The following MYLK variants were observed in gnomAD, a reference collection of about 807,000 sequenced individuals.
MYLK encodes myosin light chain kinase.
Under a neutral mutation model 203.4 loss-of-function variants are expected in MYLK, and 106 were observed. That is an observed-to-expected ratio of 0.52 (90% CI 0.45 to 0.61). The LOEUF (loss-of-function observed/expected upper bound fraction) is 0.61. Among genes scored for constraint, MYLK ranks in the 20% least tolerant of loss-of-function variants. The pLI, the probability that MYLK is intolerant of heterozygous loss-of-function variation, is 0.00. For synonymous variants in MYLK, 867 were observed against 959.5 expected (o/e 0.90, Z 1.78); for missense variants, 2,072 against 2,442.3 (o/e 0.85, Z 3.20).
At chr3:123,673,224 A>G (rs762696883) in intron 20 of MYLK, among the ~76,000 whole-genome samples, 9 of 144,166 alleles carry the variant, frequency 6.2e-5, no homozygotes. Context: ...GTACAGTGGC[A>G]TGATCACAGC....
intron 4 of MYLK, among the ~76,000 whole-genome samples, chr3:123,766,679 T>C (rs139740826): frequency 4.2e-4 from 64 of 152,360 alleles, no homozygotes; most frequent in Middle Eastern, 3.4e-3. Flanking sequence ...AGATTCCAGG[T>C]CGTGCCAGCA....
At chr3:123,871,603 C>A (rs978069673) in intron 2 of MYLK, among the ~76,000 whole-genome samples, 1 of 151,850 alleles carries the variant, frequency 6.6e-6, no homozygotes, top group African/African-American at 2.4e-5. Context: ...TACAAACTAC[C>A]GAAAATCACT....
At position 123,752,335 on chromosome 3, in the gene MYLK, T is replaced by A. The variant is rs746517311; in HGVS notation, c.369A>T (p.Val123=). 6 of 1,613,880 alleles carry A rather than the reference T, an allele frequency of 3.7e-6. No individual in the cohort carries two copies. In the Admixed American group the frequency reaches 5.0e-5, roughly 13 times the overall value. The change falls in exon 5 of 34, where the codon GTA becomes GTT. Residue 123 remains valine (V), a synonymous_variant. Coordinates refer to ENST00000360304, the MANE Select transcript of MYLK (RefSeq NM_053025.4). The part of the protein sequence containing the change: ...GARQVTVELT[V]EGSFAKQLGQ... Reference sequence around the variant, plus strand: ...CTCGGGCCTCCTGGGACTCACCTTCTACTGTCAACTCCACTGTCACCTGGC... The same window carrying A: ...CTCGGGCCTCCTGGGACTCACCTTCAACTGTCAACTCCACTGTCACCTGGC...
chr3:123,721,103 G>A (rs914894298), intron 13 of MYLK, among the ~76,000 whole-genome samples: 1 of 152,204 alleles, frequency 6.6e-6, no homozygotes, highest in African/African-American at 2.4e-5. Flanking sequence ...AGAGAATACG[G>A]GTGAGGTGAA....
At chr3:123,737,284 T>C (rs2062705929) in intron 8 of MYLK, 94 bp downstream of exon 8, 1 of 1,515,740 alleles carries the variant, frequency 6.6e-7, no homozygotes, top group Non-Finnish European at 9.1e-7. Context: ...GCCAGGTGTA[T>C]ACACACACAG....
intron 8 of MYLK, chr3:123,735,619 T>C (rs2062648271): frequency 1.7e-6 from 1 of 600,452 alleles, no homozygotes; most frequent in Non-Finnish European, 3.0e-6. Flanking sequence ...TTTGGGCTTC[T>C]TAATAGTGGC....
chr3:123,874,853 C>A lies in MYLK; in HGVS notation c.-127+1706G>T, dbSNP rs188897149. On this transcript the variant is annotated intron_variant, in intron 2 of 33. Coordinates refer to ENST00000360304, the MANE Select transcript of MYLK (RefSeq NM_053025.4). ...ACTTAAACAGATACTTCACCAAAGA[C>A]AATATATGTTTGGCAAATAAGTACA... Among the ~76,000 whole-genome samples the A allele has an allele frequency of 6.0e-4, 92 of 152,216 alleles. 2 individuals carry two copies. The South Asian group carries it at 0.011, about 18-fold the overall frequency.
At chr3:123,653,882 TG>T (rs1281003693) in intron 24 of MYLK, among the ~76,000 whole-genome samples, 1 of 152,196 alleles carries the variant, frequency 6.6e-6, no homozygotes, top group Non-Finnish European at 1.5e-5. Flanking sequence ...CTCCTTTTCC[TG>T]TCACTTTTCC....
chr3:123,747,571 C>A (rs554987166), intron 5 of MYLK, among the ~76,000 whole-genome samples: 8 of 152,306 alleles, frequency 5.3e-5, no homozygotes, highest in Non-Finnish European at 7.4e-5. Flanking sequence ...TCCCTCCTTG[C>A]TACTCCAAGA....
chr3:123,753,561 C>T (rs2063271257), intron 4 of MYLK, among the ~76,000 whole-genome samples: 1 of 151,182 alleles, frequency 6.6e-6, no homozygotes, highest in South Asian at 2.1e-4. Flanking sequence ...TTCATAGCAA[C>T]CCAGTCAGAG....
intron 22 of MYLK, among the ~76,000 whole-genome samples, chr3:123,665,294 G>A (rs192637533): frequency 8.6e-4 from 131 of 152,348 alleles, no homozygotes; most frequent in African/African-American, 2.9e-3. Flanking sequence ...AGAAAGTTCT[G>A]AAGGACAGAG....
intron 3 of MYLK, among the ~76,000 whole-genome samples, chr3:123,811,101 A>G (rs780709979): frequency 5.9e-5 from 9 of 152,212 alleles, no homozygotes; most frequent in Non-Finnish European, 1.3e-4. Flanking sequence ...CCAATGATCA[A>G]CTGAGAGCAC....
At chr3:123,803,877 C>T (rs1160636191) in intron 3 of MYLK, among the ~76,000 whole-genome samples, 3 of 152,194 alleles carry the variant, frequency 2.0e-5, no homozygotes, top group African/African-American at 7.2e-5. Context: ...CTGGCCAGCT[C>T]CCAGGTGGAG....
At chr3:123,722,687 T>C (rs562501087) in intron 12 of MYLK, among the ~76,000 whole-genome samples, 2 of 152,178 alleles carry the variant, frequency 1.3e-5, no homozygotes, top group African/African-American at 2.4e-5. Flanking sequence ...ATCTGGCCCA[T>C]AGCCCAGCCT....
chr3:123,751,813 T>C (rs2063202165), intron 5 of MYLK, among the ~76,000 whole-genome samples: 1 of 152,016 alleles, frequency 6.6e-6, no homozygotes, highest in South Asian at 2.1e-4. Context: ...AAAGGGCCTC[T>C]AAGGAGCAGA....
At chr3:123,761,712 A>C (rs2063540339) in intron 4 of MYLK, among the ~76,000 whole-genome samples, 1 of 152,172 alleles carries the variant, frequency 6.6e-6, no homozygotes, top group African/African-American at 2.4e-5. Context: ...GGCTAAAAAA[A>C]CCCAGATCTT....
rs1003629662 is a variant in MYLK, at chr3:123,620,661, A to G, written c.5239-325T>C. 3.6e-6 allele frequency: 4 copies of G among 1,108,742 alleles called. No individual in the cohort carries two copies. In the African/African-American group the frequency reaches 6.4e-5, roughly 18 times the overall value. 68.7% of individuals were successfully genotyped at this position (1,108,742 alleles called of 1,614,324 possible). On this transcript the variant is annotated intron_variant, in intron 31 of 33. Transcript: ENST00000360304. ...TAAAAGGGATGGTTTATATAAAGCA[A>G]CTGCAGGCTGAGACAGCTCCAAAGA... is the stretch of plus-strand genomic sequence containing the variant.
chr3:123,840,230 A>G (rs1002564195), intron 2 of MYLK, among the ~76,000 whole-genome samples: 3 of 152,010 alleles, frequency 2.0e-5, no homozygotes, highest in Non-Finnish European at 4.4e-5. Flanking sequence ...AAGAAAATCA[A>G]TGAAGCCAAA....
chr3:123,720,998 C>T (rs916535476), intron 13 of MYLK, among the ~76,000 whole-genome samples: 4 of 152,192 alleles, frequency 2.6e-5, no homozygotes, highest in Non-Finnish European at 4.4e-5. Context: ...ACGTGATGCG[C>T]TTAGGCAAGT....
Sources: allele counts gnomAD v4.1 joint callset (sites outside exome capture counted in the v4.1 genomes callset), GRCh38; gene constraint gnomAD v4.1.1; transcripts MANE v1.5; gene names NCBI Gene and HGNC (gene_info 2026-07-23, HGNC 2026-07-21).